The following AKR1C2 variants were observed in gnomAD, a reference collection of about 807,000 sequenced individuals.
The protein encoded by AKR1C2 is 3-alpha-HSD3.
Under a neutral mutation model 39.8 loss-of-function variants are expected in AKR1C2, and 27 were observed. The observed-to-expected ratio is 0.68, with a 90% confidence interval of 0.50 to 0.93. The LOEUF (loss-of-function observed/expected upper bound fraction) is 0.93. Among genes scored for constraint, AKR1C2 ranks in the 40% least tolerant of loss-of-function variants. The probability of loss-of-function intolerance (pLI) is 0.00; values close to 1 mark genes in which losing one functional copy is unlikely to be tolerated. For synonymous variants in AKR1C2, 114 were observed against 137.9 expected (o/e 0.83, Z 1.22); for missense variants, 263 against 365.1 (o/e 0.72, Z 2.28).
In AKR1C2 at chr10:5,002,035, C is replaced by T. The variant is rs558841472; in HGVS notation, c.85-354G>A. ...GGTGAAATTAACACAAGGAAATAGC[C>T]ACATGGAAGGAATTATGAAGGAATG... is the stretch of plus-strand genomic sequence containing the variant. On this transcript the variant is annotated intron_variant, in intron 1 of 8. Coordinates refer to ENST00000380753, the MANE Select transcript of AKR1C2 (RefSeq NM_001393392.1). Among the ~76,000 whole-genome samples the T allele has an allele frequency of 7.9e-5, 12 of 152,154 alleles. No individual in the cohort carries two copies. The South Asian group carries it at 1.4e-3, about 18-fold the overall frequency.
At chr10:4,993,469 A>G (rs1554772481) in intron 7 of AKR1C2, among the ~76,000 whole-genome samples, 2 of 152,174 alleles carry the variant, frequency 1.3e-5, no homozygotes, top group African/African-American at 4.8e-5. Flanking sequence ...TATTTCACAT[A>G]ATATTTTAAA....
At chr10:4,994,016 G>A (rs9804390) in intron 7 of AKR1C2, among the ~76,000 whole-genome samples, 88 of 150,950 alleles carry the variant, frequency 5.8e-4, no homozygotes, top group African/African-American at 1.8e-3. Context: ...TTATTCTCTC[G>A]TTCTCTGTAT....
chr10:5,010,305 C>T (rs1227219558), intron 1 of AKR1C2: 1 of 152,240 alleles, frequency 6.6e-6, no homozygotes, highest in Admixed American at 6.5e-5. Flanking sequence ...TGTCGCAAGT[C>T]CTGCAAGGGG....
intron 1 of AKR1C2, among the ~76,000 whole-genome samples, chr10:5,016,914 C>G (rs1837652753): frequency 6.6e-6 from 1 of 152,228 alleles, no homozygotes; most frequent in African/African-American, 2.4e-5. Context: ...ACATGGAAGT[C>G]ACCACACATT....
At chr10:5,013,002 A>C (rs1482280930) in intron 1 of AKR1C2, among the ~76,000 whole-genome samples, 1 of 152,146 alleles carries the variant, frequency 6.6e-6, no homozygotes. Context: ...CTCTTCCTAC[A>C]CTTGAATGAA....
intron 5 of AKR1C2, among the ~76,000 whole-genome samples, chr10:4,998,135 G>T (rs1837125564): frequency 6.6e-6 from 1 of 151,616 alleles, no homozygotes; most frequent in African/African-American, 2.4e-5. Context: ...CTATGCCCTT[G>T]GTCAAGAAGT....
chr10:4,997,787 G>T (rs1186076047), intron 5 of AKR1C2, among the ~76,000 whole-genome samples: 1 of 152,174 alleles, frequency 6.6e-6, no homozygotes, highest in African/African-American at 2.4e-5. Context: ...ACTGGGAAAG[G>T]TGTAGTGATT....
At chr10:5,017,139 G>A (rs1226596433) in intron 1 of AKR1C2, among the ~76,000 whole-genome samples, 4 of 152,150 alleles carry the variant, frequency 2.6e-5, no homozygotes, top group Non-Finnish European at 5.9e-5. Flanking sequence ...TACCTTGGAG[G>A]CATTTTTCCC....
At chr10:5,006,810 A>T (rs4529809), upstream of AKR1C2, among the ~76,000 whole-genome samples, 146,217 of 150,490 alleles carry the variant, frequency 0.97, 71,146 homozygotes, top group East Asian at 1. Flanking sequence ...GGAGTTTTGC[A>T]CTGTCACCAG....
At chr10:5,000,771 A>T (rs1837243488) in intron 2 of AKR1C2, 105 bp from the exon 3 acceptor site, 8 of 942,816 alleles carry the variant, frequency 8.5e-6, no homozygotes, top group Non-Finnish European at 1.3e-5. Context: ...AAAACTAATG[A>T]CCACAGGCAA....
At chr10:4,994,297 CTA>C (rs1836953884) in intron 7 of AKR1C2, among the ~76,000 whole-genome samples, 1 of 151,960 alleles carries the variant, frequency 6.6e-6, no homozygotes, top group South Asian at 2.1e-4. Flanking sequence ...ATACATATAA[CTA>C]TTGATATATT....
intron 5 of AKR1C2, chr10:4,996,108 A>C (rs531863949): frequency 1.5e-6 from 1 of 658,722 alleles, no homozygotes; most frequent in African/African-American, 1.8e-5. Flanking sequence ...AACTCCGACC[A>C]CTAGAAGGAG....
intron 1 of AKR1C2, among the ~76,000 whole-genome samples, chr10:5,013,030 G>A (rs535090506): frequency 2.6e-5 from 4 of 152,202 alleles, no homozygotes; most frequent in East Asian, 3.9e-4. Context: ...TCAGGCTGTT[G>A]CCTCTACCAA....
At chr10:5,006,390 T>A (rs1244314320), upstream of AKR1C2, 1 of 152,048 alleles carries the variant, frequency 6.6e-6, no homozygotes, top group Non-Finnish European at 1.5e-5. Flanking sequence ...TCACCTGAGG[T>A]CAGGAGTTCG....
intron 1 of AKR1C2, among the ~76,000 whole-genome samples, chr10:5,009,482 G>T (rs7087112): frequency 0.75 from 112,879 of 151,370 alleles, 42,360 homozygotes; most frequent in African/African-American, 0.81. Flanking sequence ...AAAGAGAAAA[G>T]TATTAATATT....
At chr10:4,991,312 C>T (rs1219035750) in intron 8 of AKR1C2, among the ~76,000 whole-genome samples, 3 of 151,598 alleles carry the variant, frequency 2.0e-5, no homozygotes, top group Non-Finnish European at 2.9e-5. Context: ...AAGAAAGGCA[C>T]GAAAAAGGTT....
At chr10:5,015,705 G>A (rs1554775309) in intron 1 of AKR1C2, 1 of 152,190 alleles carries the variant, frequency 6.6e-6, no homozygotes, top group African/African-American at 2.4e-5. Context: ...TAGTACCGAG[G>A]AAATGTGAGA....
chr10:5,012,196 T>G (rs1588311644), intron 1 of AKR1C2, among the ~76,000 whole-genome samples: 1 of 151,970 alleles, frequency 6.6e-6, no homozygotes, highest in African/African-American at 2.4e-5. Context: ...TAGTGGCTAG[T>G]GATATAGTAC....
intron 1 of AKR1C2, among the ~76,000 whole-genome samples, chr10:5,002,782 C>G (rs1311831935): frequency 6.6e-6 from 1 of 152,190 alleles, no homozygotes; most frequent in Non-Finnish European, 1.5e-5. Context: ...CTCCTCATAC[C>G]ATCTTTGATC....
Sources: allele counts gnomAD v4.1 joint callset (sites outside exome capture counted in the v4.1 genomes callset), GRCh38; gene constraint gnomAD v4.1.1; transcripts MANE v1.5; gene names NCBI Gene and HGNC (gene_info 2026-07-23, HGNC 2026-07-21).